PRKG1: variants seen among roughly 807,000 people sequenced by gnomAD.
PRKG1 encodes the protein cGMP-dependent protein kinase 1.
A neutral mutation model predicts 88.1 loss-of-function variants in PRKG1; 35 were observed. The observed-to-expected ratio is 0.40, with a 90% CI of 0.30 to 0.53. The LOEUF is 0.53. Among genes scored for constraint, PRKG1 ranks in the 20% least tolerant of loss-of-function variants. The pLI, the probability that PRKG1 is intolerant of heterozygous loss-of-function variation, is 0.59. For synonymous variants in PRKG1, 303 were observed against 292.5 expected, an observed-to-expected ratio of 1.04 and a Z score of -0.37; for missense variants, 540 against 839.8, an observed-to-expected ratio of 0.64 and a Z score of 4.41.
intron 5 of PRKG1, among the ~76,000 whole-genome samples, chr10:52,038,390 A>C (rs1331106963): frequency 6.6e-6 from 1 of 151,674 alleles, no homozygotes; most frequent in East Asian, 2.0e-4. Context: ...GAAGCACAGA[A>C]ATAAGGGGTA....
chr10:51,756,851 AAAAT>A (rs1463778911), intron 3 of PRKG1, among the ~76,000 whole-genome samples: 1 of 151,698 alleles, frequency 6.6e-6, no homozygotes, highest in African/African-American at 2.4e-5. Flanking sequence ...TAATAATTAA[AAAAT>A]AAAAATATAA....
intron 5 of PRKG1, among the ~76,000 whole-genome samples, chr10:52,028,894 G>T (rs11000518): frequency 0.069 from 10,489 of 152,218 alleles, 547 homozygotes; most frequent in East Asian, 0.3. Context: ...GACTTAATCA[G>T]TCTTGTCTTG....
chr10:51,754,266 T>C (rs12263820), intron 3 of PRKG1, among the ~76,000 whole-genome samples: 2,917 of 152,288 alleles, frequency 0.019, 97 homozygotes, highest in African/African-American at 0.066. Flanking sequence ...CAAGCAAGCC[T>C]CAGGTTTCCA....
chr10:52,163,127 G>A (rs767690604), intron 9 of PRKG1, among the ~76,000 whole-genome samples: 18 of 93,814 alleles, frequency 1.9e-4, no homozygotes, highest in South Asian at 4.2e-4. Flanking sequence ...TTGTACAATG[G>A]CCTTTCTTAT....
intron 5 of PRKG1, among the ~76,000 whole-genome samples, chr10:51,966,384 A>C (rs1285882506): frequency 6.6e-6 from 1 of 152,110 alleles, no homozygotes; most frequent in East Asian, 1.9e-4. Flanking sequence ...ATATGAATTC[A>C]ACATTTTTTT....
rs1195321410 is a variant in PRKG1, at chr10:52,297,554, T to G, written c.*3654T>G. On this transcript the variant is annotated 3_prime_UTR_variant, in exon 18 of 18. Coordinates refer to ENST00000373980, the MANE Select transcript of PRKG1 (RefSeq NM_006258.4). Reference sequence around the variant, plus strand: ...AAGTTGTTCTCTTATTTCTGTTAAATGTACCAGAGCTGTGTATCTGTTAAT... The same window carrying G: ...AAGTTGTTCTCTTATTTCTGTTAAAGGTACCAGAGCTGTGTATCTGTTAAT... 6.6e-6 allele frequency: 1 copy of G among 152,198 alleles called. No homozygotes were observed. The highest frequency in any genetic ancestry group is 2.4e-5 in the African/African-American group (1 of 41,466). 9.4% of individuals were successfully genotyped at this position (152,198 alleles called of 1,614,324 possible).
intron 5 of PRKG1, among the ~76,000 whole-genome samples, chr10:52,026,657 G>C (rs1282603752): frequency 6.6e-6 from 1 of 152,154 alleles, no homozygotes; most frequent in Non-Finnish European, 1.5e-5. Flanking sequence ...ACTCTGTTAA[G>C]ATACTAAAAA....
At chr10:52,098,577 G>A (rs1259690398) in intron 7 of PRKG1, among the ~76,000 whole-genome samples, 3 of 152,168 alleles carry the variant, frequency 2.0e-5, no homozygotes, top group East Asian at 3.8e-4. Flanking sequence ...TGGGGAGGCC[G>A]AGAGAGGTGG....
At chr10:52,038,469 C>T (rs113183053) in intron 5 of PRKG1, among the ~76,000 whole-genome samples, 35 of 151,318 alleles carry the variant, frequency 2.3e-4, no homozygotes, top group African/African-American at 2.9e-4. Flanking sequence ...GAGGTTGGGG[C>T]GCGGAAATAA....
rs7081919 is a variant in PRKG1, at chr10:51,907,716, G to A, written c.762+146G>A. The A allele has an allele frequency of 0.71, 419,066 of 586,760 alleles. 150,882 individuals are homozygous for A. The highest frequency in any genetic ancestry group is 0.87 in the African/African-American group (46,077 of 52,866). 36.3% of individuals were successfully genotyped at this position (586,760 alleles called of 1,614,324 possible). A position where few individuals can be genotyped will look rare whatever the true frequency, so the allele number is the denominator to read the frequency against. On this transcript the variant is annotated intron_variant, in intron 5 of 17. Transcript: ENST00000373980. ...TGGGATGAGCTATATATTTGGCTTC[G>A]TATAGAAAGCAGCTTATCATGTCTG... is the stretch of plus-strand genomic sequence containing the variant.
intron 3 of PRKG1, among the ~76,000 whole-genome samples, chr10:51,501,033 A>G (rs1841010465): frequency 6.6e-6 from 1 of 152,090 alleles, no homozygotes; most frequent in Non-Finnish European, 1.5e-5. Flanking sequence ...TAATTGCACC[A>G]ACCTAATAAA....
intron 4 of PRKG1, among the ~76,000 whole-genome samples, chr10:51,813,006 T>G (rs923519410): frequency 2.0e-5 from 3 of 152,230 alleles, no homozygotes; most frequent in Non-Finnish European, 4.4e-5. Context: ...CACTGCACTG[T>G]ACATTCATTA....
At chr10:51,508,602 C>T (rs1037940769) in intron 3 of PRKG1, among the ~76,000 whole-genome samples, 1 of 152,144 alleles carries the variant, frequency 6.6e-6, no homozygotes, top group Admixed American at 6.6e-5. Context: ...AATCTAATCA[C>T]TCTTGTGGAT....
At chr10:52,176,343 T>C (rs1838867723) in intron 9 of PRKG1, among the ~76,000 whole-genome samples, 2 of 151,944 alleles carry the variant, frequency 1.3e-5, no homozygotes, top group Admixed American at 1.3e-4. Context: ...AGGATTAATT[T>C]TGAGTTCTCT....
At chr10:51,589,685 G>A (rs1838262140) in intron 3 of PRKG1, among the ~76,000 whole-genome samples, 1 of 152,084 alleles carries the variant, frequency 6.6e-6, no homozygotes, top group South Asian at 2.1e-4. Flanking sequence ...AGTATAAAAT[G>A]GATATTTACC....
At chr10:51,054,732 C>A (rs1843607041) in intron 1 of PRKG1, among the ~76,000 whole-genome samples, 1 of 152,086 alleles carries the variant, frequency 6.6e-6, no homozygotes, top group African/African-American at 2.4e-5. Context: ...GTTATAAATT[C>A]TGTAGCTCTG....
intron 3 of PRKG1, among the ~76,000 whole-genome samples, chr10:51,481,927 G>A (rs293309): frequency 0.34 from 50,890 of 151,862 alleles, 8,963 homozygotes; most frequent in Admixed American, 0.41. Flanking sequence ...TTAAGAGGGG[G>A]TTATATATCA....
chr10:51,013,028 C>T (rs2132725706), intron 1 of PRKG1, among the ~76,000 whole-genome samples: 1 of 152,318 alleles, frequency 6.6e-6, no homozygotes, highest in East Asian at 1.9e-4. Flanking sequence ...TGGAATACTG[C>T]AGTGGGTGAC....
At chr10:52,221,209 G>T (rs1480350117) in intron 9 of PRKG1, among the ~76,000 whole-genome samples, 1 of 151,884 alleles carries the variant, frequency 6.6e-6, no homozygotes, top group Non-Finnish European at 1.5e-5. Flanking sequence ...TCATCTTGAT[G>T]GGCTAAGACA....
Sources: allele counts gnomAD v4.1 joint callset (sites outside exome capture counted in the v4.1 genomes callset), GRCh38; gene constraint gnomAD v4.1.1; transcripts MANE v1.5; gene names NCBI Gene and HGNC (gene_info 2026-07-23, HGNC 2026-07-21).